NLGN1: variants seen among roughly 807,000 people sequenced by gnomAD.
NLGN1 encodes the protein neuroligin-1.
NLGN1 carries 12 observed loss-of-function variants against 65.5 expected under a neutral mutation model. The ratio of observed to expected loss-of-function variants is 0.18; its 90% confidence interval spans 0.12 to 0.30. The LOEUF is 0.30. NLGN1 is among the 10% of genes least tolerant of loss of function. The probability of loss-of-function intolerance (pLI) is 1.00; values close to 1 mark genes in which losing one functional copy is unlikely to be tolerated. For missense variants in NLGN1, 750 were observed against 1,007.1 expected (o/e 0.74, Z 3.46); for synonymous variants, 350 against 359.5 (o/e 0.97, Z 0.30).
chr3:174,256,299 G>T (rs1269952236), intron 4 of NLGN1, among the ~76,000 whole-genome samples: 1 of 152,134 alleles, frequency 6.6e-6, no homozygotes, highest in Non-Finnish European at 1.5e-5. Flanking sequence ...TCCAGAGATT[G>T]GTTGCTTAAT....
intron 4 of NLGN1, among the ~76,000 whole-genome samples, chr3:174,247,228 G>A (rs920606772): frequency 1.3e-5 from 2 of 152,172 alleles, no homozygotes; most frequent in Non-Finnish European, 2.9e-5. Context: ...TGACAGAACT[G>A]TGTCCATTTT....
In NLGN1 at chr3:173,557,469, A is replaced by G. The variant is rs547905055; in HGVS notation, c.-320-46810A>G. On this transcript the variant is annotated intron_variant, in intron 2 of 6. Coordinates refer to ENST00000457714, the Ensembl canonical transcript of NLGN1. Reference sequence around the variant, plus strand: ...ATAATTATTTATAAGATTGTGTTGAAGTCTACTTTCTTTTATTGTTTTCTC... The same window carrying G: ...ATAATTATTTATAAGATTGTGTTGAGGTCTACTTTCTTTTATTGTTTTCTC... Among the ~76,000 whole-genome samples the G allele has an allele frequency of 2.1e-3, 317 of 152,192 alleles. 2 individuals carry two copies. Among genetic ancestry groups the G allele is most frequent in the African/African-American group, 7.4e-3 (306 of 41,566 alleles).
At chr3:173,752,850 A>G (rs375227833) in intron 3 of NLGN1, among the ~76,000 whole-genome samples, 3 of 151,930 alleles carry the variant, frequency 2.0e-5, no homozygotes, top group Admixed American at 1.3e-4. Flanking sequence ...CCAGTCCTCA[A>G]CCTCAGCTGT....
At chr3:173,852,753 A>G (rs1337513372) in intron 4 of NLGN1, among the ~76,000 whole-genome samples, 4 of 152,238 alleles carry the variant, frequency 2.6e-5, no homozygotes, top group African/African-American at 7.2e-5. Context: ...TACATTTTCT[A>G]TATTCTAGTG....
intron 2 of NLGN1, among the ~76,000 whole-genome samples, chr3:173,576,811 G>A (rs568354290): frequency 6.6e-6 from 1 of 152,156 alleles, no homozygotes; most frequent in African/African-American, 2.4e-5. Flanking sequence ...GTGGTGGAGG[G>A]TATTATTCCA....
chr3:173,654,575 C>A (rs1759693152), intron 3 of NLGN1, among the ~76,000 whole-genome samples: 2 of 152,050 alleles, frequency 1.3e-5, no homozygotes, highest in African/African-American at 2.4e-5. Flanking sequence ...TAAGTTTCAT[C>A]CTTTTAAACT....
At chr3:173,983,789 C>G (rs1719290580) in intron 4 of NLGN1, among the ~76,000 whole-genome samples, 1 of 152,070 alleles carries the variant, frequency 6.6e-6, no homozygotes, top group Non-Finnish European at 1.5e-5. Flanking sequence ...TAAAGCAACC[C>G]CCATCCTCAC....
intron 4 of NLGN1, among the ~76,000 whole-genome samples, chr3:173,966,747 A>T (rs2152361690): frequency 6.6e-6 from 1 of 152,264 alleles, no homozygotes; most frequent in African/African-American, 2.4e-5. Flanking sequence ...AATAGACAAA[A>T]TTTTTTCTTA....
intron 4 of NLGN1, among the ~76,000 whole-genome samples, chr3:173,988,771 A>G (rs992911760): frequency 1.3e-5 from 2 of 151,976 alleles, no homozygotes; most frequent in South Asian, 2.1e-4. Context: ...ACTTTCTTCA[A>G]TTGAATGGAT....
At chr3:174,264,866 G>A (rs1747710940) in intron 4 of NLGN1, among the ~76,000 whole-genome samples, 1 of 151,770 alleles carries the variant, frequency 6.6e-6, no homozygotes, top group Non-Finnish European at 1.5e-5. Context: ...TTTTTGGTGT[G>A]GATGTCCTTT....
chr3:173,942,157 T>C (rs1308865723), intron 4 of NLGN1, among the ~76,000 whole-genome samples: 1 of 150,586 alleles, frequency 6.6e-6, no homozygotes, highest in East Asian at 1.9e-4. Flanking sequence ...TGTGTGTGTG[T>C]ATGTGTATAT....
At chr3:174,018,513 G>A (rs10222471) in intron 4 of NLGN1, among the ~76,000 whole-genome samples, 40,146 of 152,034 alleles carry the variant, frequency 0.26, 6,372 homozygotes, top group African/African-American at 0.44. Flanking sequence ...CCATGAAATC[G>A]TCACAATTTA....
chr3:173,735,821 A>T (rs1318021121), intron 3 of NLGN1, among the ~76,000 whole-genome samples: 5 of 152,160 alleles, frequency 3.3e-5, no homozygotes, highest in Non-Finnish European at 5.9e-5. Context: ...GACTGGTGAC[A>T]TTCACATAAT....
chr3:173,561,494 A>G (rs1476363135), intron 2 of NLGN1, among the ~76,000 whole-genome samples: 1 of 152,222 alleles, frequency 6.6e-6, no homozygotes, highest in Non-Finnish European at 1.5e-5. Context: ...GGCTGTAGAT[A>G]TATCTCTCAC....
chr3:173,441,871 A>C (rs1719263263), intron 2 of NLGN1, among the ~76,000 whole-genome samples: 1 of 152,202 alleles, frequency 6.6e-6, no homozygotes, highest in Non-Finnish European at 1.5e-5. Context: ...GTGTGATCAA[A>C]CAAGGTATGC....
chr3:174,017,514 T>C (rs1726825969), intron 4 of NLGN1, among the ~76,000 whole-genome samples: 1 of 152,130 alleles, frequency 6.6e-6, no homozygotes, highest in African/African-American at 2.4e-5. Context: ...TGAGGTTCTT[T>C]CAGGGGAACC....
intron 4 of NLGN1, among the ~76,000 whole-genome samples, chr3:174,218,313 CA>C (rs1738016026): frequency 6.6e-6 from 1 of 151,462 alleles, no homozygotes; most frequent in Non-Finnish European, 1.5e-5. Flanking sequence ...GTTCCCAGTA[CA>C]ATTTTTTTTT....
chr3:173,832,845 G>C (rs1273765017), intron 4 of NLGN1, among the ~76,000 whole-genome samples: 5 of 151,882 alleles, frequency 3.3e-5, no homozygotes, highest in African/African-American at 1.2e-4. Flanking sequence ...AACAATTATT[G>C]TTTGCTTGTT....
downstream of NLGN1, among the ~76,000 whole-genome samples, chr3:174,289,065 T>G (rs1307374253): frequency 1.7e-4 from 26 of 151,340 alleles, no homozygotes; most frequent in Admixed American, 1.7e-3. Context: ...GATGATAAAC[T>G]TCTATCTTCA....
Sources: allele counts gnomAD v4.1 joint callset (sites outside exome capture counted in the v4.1 genomes callset), GRCh38; gene constraint gnomAD v4.1.1; transcripts MANE v1.5; gene names NCBI Gene and HGNC (gene_info 2026-07-23, HGNC 2026-07-21).